Variants in UMAD1 observed in about 807,000 individuals in gnomAD.
UMAD1 encodes the protein UBAP1-MVB12-associated (UMA) domain containing 1.
A neutral mutation model predicts 6.1 loss-of-function variants in UMAD1; 8 were observed. The observed-to-expected ratio is 1.30, with a 90% CI of 0.76 to 2.35. UMAD1 has a LOEUF of 2.35. UMAD1 is among the 30% of genes most tolerant of loss of function. The pLI is 0.00. For synonymous variants in UMAD1, 56 were observed against 31.4 expected (o/e 1.78, Z -2.61); for missense variants, 130 against 78.4 (o/e 1.66, Z -2.49).
chr7:7,693,860 G>T (rs1480998987), intron 2 of UMAD1, among the ~76,000 whole-genome samples: 2 of 152,018 alleles, frequency 1.3e-5, no homozygotes, highest in African/African-American at 4.8e-5. Flanking sequence ...TTTTTCCTCT[G>T]TGGTGGGTTT....
intron 2 of UMAD1, among the ~76,000 whole-genome samples, chr7:7,738,124 G>C (rs1415183008): frequency 6.6e-6 from 1 of 152,092 alleles, no homozygotes; most frequent in African/African-American, 2.4e-5. Context: ...AGGGTCTGTA[G>C]AATATTAAAC....
chr7:7,645,837 T>C (rs530702270), intron 1 of UMAD1, among the ~76,000 whole-genome samples: 10 of 151,804 alleles, frequency 6.6e-5, no homozygotes, highest in Admixed American at 3.3e-4. Flanking sequence ...TTTTAATCTA[T>C]GTTCATGAGT....
At chr7:7,787,968 A>T (rs566117807) in intron 2 of UMAD1, among the ~76,000 whole-genome samples, 2 of 152,294 alleles carry the variant, frequency 1.3e-5, no homozygotes, top group Non-Finnish European at 2.9e-5. Context: ...CAGAAACTTA[A>T]ATTTTTCTGA....
intron 2 of UMAD1, among the ~76,000 whole-genome samples, chr7:7,752,188 A>G (rs139078052): frequency 6.6e-6 from 1 of 152,348 alleles, no homozygotes; most frequent in East Asian, 1.9e-4. Context: ...ATTTGATATC[A>G]AAAAGCATGT....
At chr7:7,760,579 C>T (rs1049669206) in intron 2 of UMAD1, among the ~76,000 whole-genome samples, 3 of 151,998 alleles carry the variant, frequency 2.0e-5, no homozygotes, top group East Asian at 1.9e-4. Flanking sequence ...AAAAACCTCT[C>T]CCCAGAATAT....
In UMAD1 at chr7:7,735,395, T is replaced by A. The variant is rs537154776; in HGVS notation, c.82+61942T>A. 2.1e-4 allele frequency among the ~76,000 whole-genome samples: 32 copies of A among 150,702 alleles called. No individual in the cohort carries two copies. In the South Asian group the frequency reaches 6.5e-3, roughly 31 times the overall value. Reference sequence around the variant, plus strand: ...GACATTTCTTGGAAAACCACTGGGGTAAATCCCACATCCTCACCTTTTTTT... The same window carrying A: ...GACATTTCTTGGAAAACCACTGGGGAAAATCCCACATCCTCACCTTTTTTT... On this transcript the variant is annotated intron_variant, in intron 2 of 3. Coordinates refer to ENST00000682710, the MANE Select transcript of UMAD1 (RefSeq NM_001302348.2).
At chr7:7,868,818 T>C (rs1021983859) in intron 3 of UMAD1, among the ~76,000 whole-genome samples, 1 of 152,212 alleles carries the variant, frequency 6.6e-6, no homozygotes, top group Non-Finnish European at 1.5e-5. Context: ...CAACATATCC[T>C]GGGTTTTTAT....
chr7:7,730,415 T>C (rs985159254), intron 2 of UMAD1, among the ~76,000 whole-genome samples: 15 of 152,232 alleles, frequency 9.9e-5, no homozygotes, highest in African/African-American at 3.6e-4. Flanking sequence ...TGGACATGTT[T>C]GCTGCTTCTT....
At chr7:7,748,910 T>C (rs1357023283) in intron 2 of UMAD1, among the ~76,000 whole-genome samples, 1 of 150,910 alleles carries the variant, frequency 6.6e-6, no homozygotes, top group East Asian at 1.9e-4. Flanking sequence ...GCCAAACTTC[T>C]CACACTCCTA....
intron 2 of UMAD1, among the ~76,000 whole-genome samples, chr7:7,777,037 C>T (rs1563197299): frequency 6.6e-6 from 1 of 152,150 alleles, no homozygotes; most frequent in Admixed American, 6.5e-5. Context: ...TATACCAACT[C>T]GTTTTGCGCC....
intron 2 of UMAD1, among the ~76,000 whole-genome samples, chr7:7,737,906 C>G (rs543842563): frequency 9.2e-5 from 14 of 152,270 alleles, no homozygotes; most frequent in African/African-American, 2.6e-4. Flanking sequence ...TAGCCCAGCA[C>G]TTGCATACAC....
intron 2 of UMAD1, among the ~76,000 whole-genome samples, chr7:7,762,262 A>G (rs1781905974): frequency 6.6e-6 from 1 of 152,206 alleles, no homozygotes; most frequent in Admixed American, 6.5e-5. Flanking sequence ...TTCAAACAAA[A>G]TAATGAAGCT....
chr7:7,827,145 A>G (rs75206119), intron 3 of UMAD1, among the ~76,000 whole-genome samples: 100,979 of 134,084 alleles, frequency 0.75, 37,976 homozygotes, highest in African/African-American at 0.78. Context: ...ATATATATAT[A>G]TATGTGTGTG....
intron 3 of UMAD1, among the ~76,000 whole-genome samples, chr7:7,876,951 T>G (rs550472976): frequency 6.6e-5 from 10 of 152,198 alleles, no homozygotes; most frequent in Non-Finnish European, 8.8e-5. Context: ...CAGCTGAGAA[T>G]TTAGCAGAGC....
chr7:7,833,537 A>G (rs1442350787), intron 3 of UMAD1, among the ~76,000 whole-genome samples: 1 of 152,174 alleles, frequency 6.6e-6, no homozygotes, highest in Non-Finnish European at 1.5e-5. Context: ...GGTGGTCAAC[A>G]TGACTGGGAA....
At chr7:7,854,246 T>A (rs1237483849) in intron 3 of UMAD1, among the ~76,000 whole-genome samples, 3 of 146,130 alleles carry the variant, frequency 2.1e-5, no homozygotes, top group African/African-American at 7.7e-5. Context: ...TCCCAGCTAC[T>A]CAGGAGGCTG....
At chr7:7,872,645 A>G (rs955895134) in intron 3 of UMAD1, among the ~76,000 whole-genome samples, 9 of 152,224 alleles carry the variant, frequency 5.9e-5, no homozygotes, top group African/African-American at 2.2e-4. Flanking sequence ...TACTTGATGC[A>G]GGGTTGCCAC....
chr7:7,783,941 TGAA>T (rs962950011), intron 2 of UMAD1, among the ~76,000 whole-genome samples: 9 of 152,040 alleles, frequency 5.9e-5, no homozygotes, highest in African/African-American at 2.2e-4. Context: ...AAATTAAAGA[TGAA>T]GAAGAAATTA....
chr7:7,688,091 G>T (rs891611625), intron 2 of UMAD1, among the ~76,000 whole-genome samples: 7 of 152,208 alleles, frequency 4.6e-5, no homozygotes, highest in African/African-American at 1.7e-4. Context: ...GCTGCATGCA[G>T]TGGTCTGGAA....
Sources: allele counts gnomAD v4.1 joint callset (sites outside exome capture counted in the v4.1 genomes callset), GRCh38; gene constraint gnomAD v4.1.1; transcripts MANE v1.5; gene names NCBI Gene and HGNC (gene_info 2026-07-23, HGNC 2026-07-21).